The following CHN2 variants were observed in gnomAD, a reference collection of about 807,000 sequenced individuals.
CHN2 encodes the protein beta-chimaerin.
CHN2 carries 35 observed loss-of-function variants against 56.3 expected under a neutral mutation model. The ratio of observed to expected loss-of-function variants is 0.62; its 90% confidence interval spans 0.47 to 0.82. CHN2 has a LOEUF of 0.82. CHN2 is among the 40% of genes least tolerant of loss of function. The pLI is 0.00. For synonymous variants in CHN2, 210 were observed against 212.8 expected (o/e 0.99, Z 0.12); for missense variants, 491 against 580.5 (o/e 0.85, Z 1.58).
At chr7:29,170,276 T>C (rs1485426782) in intron 2 of CHN2, among the ~76,000 whole-genome samples, 1 of 152,192 alleles carries the variant, frequency 6.6e-6, no homozygotes, top group Non-Finnish European at 1.5e-5. Flanking sequence ...ACAAATTTCT[T>C]GCTAATCTTA....
upstream of CHN2, chr7:29,194,688 A>G (rs1783399293): frequency 1.0e-5 from 4 of 382,416 alleles, no homozygotes; most frequent in South Asian, 9.1e-5. Flanking sequence ...GCTCCCACCT[A>G]CCCCCTGACA....
chr7:29,220,557 TCAA>T (rs921701076), intron 1 of CHN2, among the ~76,000 whole-genome samples: 24 of 151,912 alleles, frequency 1.6e-4, no homozygotes, highest in African/African-American at 5.5e-4. Flanking sequence ...TTAGAGAAAA[TCAA>T]CAACTTTCTT....
In CHN2 at chr7:29,456,973, TCA is replaced by T. The variant is rs141093483; in HGVS notation, c.577-23301_577-23300del. Reference sequence around the variant, plus strand: ...CCTTCTCAACTCATTCAGGCCACAGTCACACAGAGGCACACTGGTATGCCTCT... The same window carrying T: ...CCTTCTCAACTCATTCAGGCCACAGTCACAGAGGCACACTGGTATGCCTCT... On this transcript the variant is annotated intron_variant, in intron 6 of 12. Coordinates refer to ENST00000222792, the MANE Select transcript of CHN2 (RefSeq NM_004067.4). Among the ~76,000 whole-genome samples the T allele has an allele frequency of 9.8e-3, 1,481 of 151,658 alleles. 25 individuals carry two copies. Among genetic ancestry groups the T allele is most frequent in the African/African-American group, 0.034 (1,406 of 41,264 alleles).
chr7:29,455,402 C>T (rs1016741860), intron 6 of CHN2, among the ~76,000 whole-genome samples: 9 of 152,228 alleles, frequency 5.9e-5, no homozygotes, highest in South Asian at 2.1e-4. Context: ...CAGCTAGTCG[C>T]GGCACAGTTG....
chr7:29,176,825 G>A (rs953755565), intron 2 of CHN2, among the ~76,000 whole-genome samples: 19 of 152,186 alleles, frequency 1.2e-4, no homozygotes, highest in Non-Finnish European at 1.5e-5. Flanking sequence ...AGCCAGGAAG[G>A]AAAGGGAAAG....
chr7:29,302,084 A>T (rs931730645), intron 1 of CHN2, among the ~76,000 whole-genome samples: 4 of 152,252 alleles, frequency 2.6e-5, no homozygotes, highest in Admixed American at 2.6e-4. Context: ...AAGGATAAGG[A>T]CCCTCAGCCT....
intron 1 of CHN2, among the ~76,000 whole-genome samples, chr7:29,252,578 GTTTTTTTTTTTT>G (rs545289689): frequency 0.025 from 494 of 19,500 alleles, 94 homozygotes; most frequent in African/African-American, 0.12. Flanking sequence ...TGCATTCTTT[GTTTTTTTTTTTT>G]TTTTTTTTTT....
chr7:29,306,247 C>G (rs1332894474), intron 1 of CHN2, among the ~76,000 whole-genome samples: 1 of 152,148 alleles, frequency 6.6e-6, no homozygotes, highest in Admixed American at 6.6e-5. Context: ...GACTTGAAAG[C>G]ATTCTATTGC....
rs558776561 is a variant in CHN2, at chr7:29,504,960, A to G, written c.991+139A>G. ...AGAAACGGAGGAATAATGGCTTACA[A>G]ATCTCATGTTTCTGCCTCACTGGGT... On this transcript the variant is annotated intron_variant, in intron 10 of 12. Transcript: ENST00000222792. 113 of 611,774 alleles carry G rather than the reference A, an allele frequency of 1.8e-4. 1 individual carries two copies. In the Middle Eastern group the frequency reaches 2.8e-3, roughly 15 times the overall value. The allele number at this position is 611,774 out of a possible 1,614,324, so 37.9% of individuals were successfully genotyped here. A position where few individuals can be genotyped will look rare whatever the true frequency, so the allele number is the denominator to read the frequency against.
chr7:29,316,944 T>C (rs1331818237), intron 1 of CHN2, among the ~76,000 whole-genome samples: 3 of 152,202 alleles, frequency 2.0e-5, no homozygotes, highest in African/African-American at 7.2e-5. Flanking sequence ...TGTAGGTAGC[T>C]TGAAAATAGG....
chr7:29,368,208 C>T (rs1799324643), intron 3 of CHN2, among the ~76,000 whole-genome samples: 1 of 151,988 alleles, frequency 6.6e-6, no homozygotes, highest in Admixed American at 6.6e-5. Context: ...TATTTTTAAC[C>T]ATTGCCGAGA....
chr7:29,422,127 G>A (rs1162920054), intron 6 of CHN2, among the ~76,000 whole-genome samples: 1 of 152,154 alleles, frequency 6.6e-6, no homozygotes, highest in Non-Finnish European at 1.5e-5. Flanking sequence ...ATTTGTGTTA[G>A]TTTTCCAAGT....
chr7:29,226,932 G>A (rs957198250), intron 1 of CHN2, among the ~76,000 whole-genome samples: 1 of 152,142 alleles, frequency 6.6e-6, no homozygotes, highest in Non-Finnish European at 1.5e-5. Context: ...GGAGGCATTC[G>A]TGTTTTCAGA....
At chr7:29,371,430 G>C (rs959341741) in intron 3 of CHN2, among the ~76,000 whole-genome samples, 2 of 152,190 alleles carry the variant, frequency 1.3e-5, no homozygotes, top group African/African-American at 4.8e-5. Flanking sequence ...AGCACCTGAT[G>C]CTCTGCTGGC....
At chr7:29,359,024 C>G (rs1367472686) in intron 2 of CHN2, among the ~76,000 whole-genome samples, 1 of 152,186 alleles carries the variant, frequency 6.6e-6, no homozygotes, top group Non-Finnish European at 1.5e-5. Flanking sequence ...AATATCAGGG[C>G]TGTGCTTCCT....
intron 2 of CHN2, among the ~76,000 whole-genome samples, chr7:29,358,770 T>C (rs1173395939): frequency 6.6e-6 from 1 of 152,202 alleles, no homozygotes; most frequent in African/African-American, 2.4e-5. Flanking sequence ...AGCCTAATGA[T>C]TGATTTTAAG....
chr7:29,232,618 T>C (rs1218295619), intron 1 of CHN2, among the ~76,000 whole-genome samples: 5 of 152,240 alleles, frequency 3.3e-5, no homozygotes, highest in Non-Finnish European at 7.3e-5. Flanking sequence ...AGTGATCTGA[T>C]ATATTTATTT....
chr7:29,483,821 G>A (rs1366601871), intron 7 of CHN2: 1 of 1,257,906 alleles, frequency 7.9e-7, no homozygotes, highest in Non-Finnish European at 1.0e-6. Context: ...TTAGCACAGT[G>A]CTGAGGTAGC....
rs563682453 is a variant in CHN2, at chr7:29,292,745, A to G, written c.50-61880A>G. The G allele has an allele frequency of 3.5e-4, 124 of 353,246 alleles. 1 individual carries two copies. Among genetic ancestry groups the G allele is most frequent in the South Asian group, 1.4e-3 (64 of 46,074 alleles). The allele number at this position is 353,246 out of a possible 1,614,324, so 21.9% of individuals were successfully genotyped here. A position where few individuals can be genotyped will look rare whatever the true frequency, so the allele number is the denominator to read the frequency against. On this transcript the variant is annotated intron_variant, in intron 1 of 12. Transcript: ENST00000222792. Reference sequence around the variant, plus strand: ...GGTTTTGTTGTATTGGTTTGGGGGGAAAAGTAAAACACCCTGCATTTCATT... The same window carrying G: ...GGTTTTGTTGTATTGGTTTGGGGGGGAAAGTAAAACACCCTGCATTTCATT...
Sources: allele counts gnomAD v4.1 joint callset (sites outside exome capture counted in the v4.1 genomes callset), GRCh38; gene constraint gnomAD v4.1.1; transcripts MANE v1.5; gene names NCBI Gene and HGNC (gene_info 2026-07-23, HGNC 2026-07-21).